Variants in NKAIN3 observed in about 807,000 individuals in gnomAD.
NKAIN3 encodes sodium/potassium-transporting ATPase subunit beta-1-interacting protein 3.
A neutral mutation model predicts 30.2 loss-of-function variants in NKAIN3; 25 were observed. That is an observed-to-expected ratio of 0.83 (90% CI 0.60 to 1.16). The LOEUF (loss-of-function observed/expected upper bound fraction) is 1.16. NKAIN3 is among the 50% of genes most tolerant of loss of function. The pLI is 0.00. For missense variants in NKAIN3, 225 were observed against 254.1 expected (o/e 0.89, Z 0.78); for synonymous variants, 91 against 89.6 (o/e 1.02, Z -0.09).
intron 5 of NKAIN3, among the ~76,000 whole-genome samples, chr8:62,924,824 C>A (rs182164436): frequency 2.5e-4 from 38 of 152,276 alleles, no homozygotes; most frequent in African/African-American, 9.1e-4. Context: ...TGAGGGCCCA[C>A]TTCTCTCTTC....
chr8:62,307,230 T>A (rs1814273935), intron 1 of NKAIN3, among the ~76,000 whole-genome samples: 1 of 148,282 alleles, frequency 6.7e-6, no homozygotes, highest in Non-Finnish European at 1.5e-5. Flanking sequence ...AAAACACAGC[T>A]TTTTGTCCCC....
intron 3 of NKAIN3, among the ~76,000 whole-genome samples, chr8:62,694,664 A>G (rs2130451714): frequency 6.6e-6 from 1 of 152,280 alleles, no homozygotes; most frequent in South Asian, 2.1e-4. Context: ...CCCTGATCAT[A>G]TCTTACCTGG....
intron 3 of NKAIN3, among the ~76,000 whole-genome samples, chr8:62,608,392 A>G (rs894247769): frequency 6.6e-6 from 1 of 152,176 alleles, no homozygotes; most frequent in Admixed American, 6.6e-5. Flanking sequence ...GTTTTGCCCA[A>G]ATGTTTGTGG....
intron 3 of NKAIN3, among the ~76,000 whole-genome samples, chr8:62,716,922 C>A (rs968667255): frequency 6.6e-6 from 1 of 151,980 alleles, no homozygotes; most frequent in Non-Finnish European, 1.5e-5. Flanking sequence ...ATAGCAAGAC[C>A]CTGTATCTTT....
intron 3 of NKAIN3, among the ~76,000 whole-genome samples, chr8:62,686,512 C>T (rs1244097700): frequency 6.6e-6 from 1 of 152,166 alleles, no homozygotes. Context: ...ACTCTTACTG[C>T]AGCAAACCAT....
At chr8:62,951,420 A>G (rs528772023) in intron 5 of NKAIN3, among the ~76,000 whole-genome samples, 2 of 152,336 alleles carry the variant, frequency 1.3e-5, no homozygotes, top group South Asian at 4.1e-4. Flanking sequence ...AATCCAGTTC[A>G]TAGAATTAGC....
At chr8:62,964,522 A>AAGAG (rs529053270) in intron 6 of NKAIN3, among the ~76,000 whole-genome samples, 5,178 of 135,010 alleles carry the variant, frequency 0.038, 245 homozygotes, top group East Asian at 0.21. Context: ...CCAGTAGAGA[A>AAGAG]AGAGAGAGAG....
chr8:62,425,759 T>C (rs1480403401), intron 1 of NKAIN3, among the ~76,000 whole-genome samples: 2 of 151,998 alleles, frequency 1.3e-5, no homozygotes, highest in African/African-American at 4.8e-5. Flanking sequence ...TTAGAATGAA[T>C]GCTTTCTTCA....
At chr8:62,668,111 T>TACACACACACACACACATAC (rs10624205) in intron 3 of NKAIN3, among the ~76,000 whole-genome samples, 1 of 149,026 alleles carries the variant, frequency 6.7e-6, no homozygotes, top group African/African-American at 2.5e-5. Context: ...CACACACACA[T>TACACACACACACACACATAC]ACACACACAC....
chr8:62,421,475 A>C (rs1040307400), intron 1 of NKAIN3, among the ~76,000 whole-genome samples: 1 of 152,110 alleles, frequency 6.6e-6, no homozygotes, highest in African/African-American at 2.4e-5. Context: ...GAGAGGATCT[A>C]ATCCCCACAG....
At chr8:62,468,896 G>A (rs960818722) in intron 1 of NKAIN3, among the ~76,000 whole-genome samples, 4 of 152,120 alleles carry the variant, frequency 2.6e-5, no homozygotes, top group African/African-American at 9.7e-5. Flanking sequence ...CTAATTCTGA[G>A]TAATGCAACC....
chr8:62,412,372 C>T (rs186221980), intron 1 of NKAIN3, among the ~76,000 whole-genome samples: 16 of 151,476 alleles, frequency 1.1e-4, no homozygotes, highest in Admixed American at 5.9e-4. Flanking sequence ...CTAAGATAAC[C>T]GGCTAGTTAT....
chr8:62,937,564 T>C (rs766245544), intron 5 of NKAIN3, among the ~76,000 whole-genome samples: 1 of 152,092 alleles, frequency 6.6e-6, no homozygotes, highest in African/African-American at 2.4e-5. Flanking sequence ...TATTTATTAC[T>C]TTATTTCACA....
At chr8:62,532,577 G>A (rs1362349941) in intron 1 of NKAIN3, among the ~76,000 whole-genome samples, 2 of 152,184 alleles carry the variant, frequency 1.3e-5, no homozygotes, top group Non-Finnish European at 2.9e-5. Context: ...GATAATGCAT[G>A]GCTTCATAGT....
chr8:62,412,526 A>C (rs1804276166), intron 1 of NKAIN3, among the ~76,000 whole-genome samples: 1 of 152,166 alleles, frequency 6.6e-6, no homozygotes, highest in African/African-American at 2.4e-5. Context: ...GATGGGAGAA[A>C]ATATTCCCAA....
At chr8:62,502,284 A>G (rs943662245) in intron 1 of NKAIN3, among the ~76,000 whole-genome samples, 5 of 152,104 alleles carry the variant, frequency 3.3e-5, no homozygotes, top group African/African-American at 7.2e-5. Context: ...GCTAAATGTC[A>G]TGAAGAATAG....
Position 62,974,835 on chromosome 8 carries a change from A to C in NKAIN3, c.*9428A>C, listed in dbSNP as rs1278880516. 6.6e-6 allele frequency among the ~76,000 whole-genome samples: 1 copy of C among 152,142 alleles called. No homozygotes were observed. The highest frequency in any genetic ancestry group is 1.5e-5 in the Non-Finnish European group (1 of 68,032). On this transcript the variant is annotated 3_prime_UTR_variant, in exon 7 of 7. Coordinates refer to ENST00000623646, the MANE Select transcript of NKAIN3 (RefSeq NM_001304533.3). ...CTCTTATTATTTTGAGATATGTTCCATCAATACCTAGTTTATTGAGTGTTT... is the reference window on the plus strand; with the variant it reads ...CTCTTATTATTTTGAGATATGTTCCCTCAATACCTAGTTTATTGAGTGTTT...
chr8:62,833,799 G>T (rs1226788247), intron 4 of NKAIN3, among the ~76,000 whole-genome samples: 1 of 151,976 alleles, frequency 6.6e-6, no homozygotes. Context: ...AATTGAGGGG[G>T]AGGGACTCCT....
In NKAIN3 at chr8:62,972,035, T is replaced by C. The variant is rs1195663361; in HGVS notation, c.*6628T>C. ...CTTGGTCCTCATTGTGCTGCCACAA[T>C]AAATTAATTCTTCTATGGTCATAAC... On this transcript the variant is annotated 3_prime_UTR_variant, in exon 7 of 7. Coordinates refer to ENST00000623646, the MANE Select transcript of NKAIN3 (RefSeq NM_001304533.3). Among the ~76,000 whole-genome samples the C allele has an allele frequency of 2.0e-5, 3 of 152,168 alleles. No individual in the cohort carries two copies. The highest frequency in any genetic ancestry group is 2.1e-4 in the South Asian group (1 of 4,828).
Sources: gnomAD v4.1 joint callset for allele counts (sites outside exome capture counted in the v4.1 genomes callset) on GRCh38, gnomAD v4.1.1 for gene constraint, MANE v1.5 for transcripts, NCBI Gene and HGNC (gene_info 2026-07-23, HGNC 2026-07-21) for gene names.